ABI2: variants seen among roughly 807,000 people sequenced by gnomAD.
ABI2 encodes abl interactor 2.
A neutral mutation model predicts 59.2 loss-of-function variants in ABI2; 25 were observed. The observed-to-expected ratio is 0.42, with a 90% CI of 0.31 to 0.59. The LOEUF (loss-of-function observed/expected upper bound fraction) is 0.59. ABI2 is among the 20% of genes least tolerant of loss of function. ABI2 has a pLI of 0.14. For missense variants in ABI2, 545 were observed against 681.8 expected (o/e 0.80, Z 2.23); for synonymous variants, 213 against 235.5 (o/e 0.90, Z 0.87).
At position 203,380,222 on chromosome 2, in the gene ABI2, TAAAGAG is replaced by T; in HGVS notation, c.305_310del (p.Glu102_Lys103del). 1.3e-6 allele frequency: 2 copies of T among 1,584,032 alleles called. No individual in the cohort carries two copies. Among genetic ancestry groups the T allele is most frequent in the Non-Finnish European group, 1.7e-6 (2 of 1,168,118 alleles). On this transcript the variant is annotated inframe_deletion, in exon 3 of 12. Transcript: ENST00000261018. ...ATATTTTGCAGACAGTTGATATTCA[TAAAGAG>T]AAAGTTGCAAGAAGAGAAATTGGTA...
rs1310602435 is a variant in ABI2, at chr2:203,384,304, T to TGTTTTG, written c.480+2098_480+2099insGTTTTG. 8.0e-4 allele frequency among the ~76,000 whole-genome samples: 116 copies of TGTTTTG among 144,870 alleles called. 4 individuals carry two copies. The highest frequency in any genetic ancestry group is 2.9e-3 in the African/African-American group (113 of 38,380). On this transcript the variant is annotated intron_variant, in intron 4 of 11. Transcript: ENST00000261018. ...TTTTTGTTTTTGTTTTTTTTTTTTT[T>TGTTTTG]TTTTTTTTTTTTTTTTTTTTGAGAC...
intron 1 of ABI2, among the ~76,000 whole-genome samples, chr2:203,338,252 A>G (rs1194814938): frequency 6.6e-6 from 1 of 152,248 alleles, no homozygotes; most frequent in African/African-American, 2.4e-5. Flanking sequence ...CACACATACA[A>G]ATTAGCTAGA....
At chr2:203,336,978 A>G (rs1353419485) in intron 1 of ABI2, among the ~76,000 whole-genome samples, 2 of 152,126 alleles carry the variant, frequency 1.3e-5, no homozygotes, top group Non-Finnish European at 2.9e-5. Flanking sequence ...AATTTTAGCT[A>G]TTCTCTTGTT....
chr2:203,395,462 C>CAT (rs2096943404), intron 6 of ABI2, among the ~76,000 whole-genome samples, 194 bp from the exon 7 acceptor site: 2 of 149,174 alleles, frequency 1.3e-5, no homozygotes, highest in African/African-American at 2.5e-5. Context: ...CACACACACA[C>CAT]ACACACACAC....
At chr2:203,389,558 TAC>T (rs2096659459) in intron 4 of ABI2, among the ~76,000 whole-genome samples, 1 of 152,242 alleles carries the variant, frequency 6.6e-6, no homozygotes, top group African/African-American at 2.4e-5. Context: ...ATTCTGAAGT[TAC>T]AGTTATAAAT....
At chr2:203,332,565 C>T (rs1047553114) in intron 1 of ABI2, among the ~76,000 whole-genome samples, 1 of 152,122 alleles carries the variant, frequency 6.6e-6, no homozygotes, top group African/African-American at 2.4e-5. Flanking sequence ...GCGGAGGTTG[C>T]AGTGAGCCAA....
intron 1 of ABI2, among the ~76,000 whole-genome samples, chr2:203,348,341 T>C (rs1405879938): frequency 6.6e-6 from 1 of 152,210 alleles, no homozygotes; most frequent in African/African-American, 2.4e-5. Context: ...ACATTAAACA[T>C]GAAGAGTTTT....
chr2:203,371,694 A>C (rs568209147), intron 2 of ABI2, among the ~76,000 whole-genome samples: 78 of 152,250 alleles, frequency 5.1e-4, no homozygotes, highest in Middle Eastern at 6.8e-3. Flanking sequence ...TCCCCTAAAT[A>C]TATACTTATC....
chr2:203,402,436 A>C, intron 8 of ABI2, 140 bp from the exon 9 acceptor site: 1 of 578,122 alleles, frequency 1.7e-6, no homozygotes. Context: ...ACAATAACTC[A>C]CCTTGCATTG....
At chr2:203,406,130 C>T (rs143668027) in intron 9 of ABI2, among the ~76,000 whole-genome samples, 1 of 152,192 alleles carries the variant, frequency 6.6e-6, no homozygotes, top group Non-Finnish European at 1.5e-5. Flanking sequence ...GTCATAGAAA[C>T]ACATAGGGCT....
intron 5 of ABI2, among the ~76,000 whole-genome samples, chr2:203,393,409 G>T (rs2153379629): frequency 6.6e-6 from 1 of 152,340 alleles, no homozygotes; most frequent in Admixed American, 6.5e-5. Context: ...AGATGTTGGA[G>T]AAATTAATGT....
intron 2 of ABI2, chr2:203,376,063 T>C: frequency 1.3e-6 from 2 of 1,534,200 alleles, no homozygotes; most frequent in African/African-American, 1.4e-5. Flanking sequence ...TTAGGCAAAT[T>C]AGAGGCGTTG....
intron 2 of ABI2, among the ~76,000 whole-genome samples, chr2:203,367,627 A>G (rs2094582012): frequency 6.6e-6 from 1 of 152,202 alleles, no homozygotes; most frequent in Non-Finnish European, 1.5e-5. Context: ...AAGTAGAAAA[A>G]TAAACCATTT....
intron 11 of ABI2, among the ~76,000 whole-genome samples, chr2:203,425,482 G>A (rs1178746527): frequency 6.6e-6 from 1 of 152,086 alleles, no homozygotes; most frequent in South Asian, 2.1e-4. Context: ...GATTACAGGC[G>A]TAAGCTACCG....
At chr2:203,364,933 A>G (rs2094188882) in intron 1 of ABI2, among the ~76,000 whole-genome samples, 1 of 151,530 alleles carries the variant, frequency 6.6e-6, no homozygotes, top group African/African-American at 2.4e-5. Context: ...GAGGTCTCAC[A>G]ATGTTGCCCA....
At chr2:203,374,084 A>C (rs1221320442) in intron 2 of ABI2, among the ~76,000 whole-genome samples, 1 of 152,106 alleles carries the variant, frequency 6.6e-6, no homozygotes, top group African/African-American at 2.4e-5. Flanking sequence ...ACTTGAGCCC[A>C]GGTGGTCGAG....
intron 1 of ABI2, among the ~76,000 whole-genome samples, chr2:203,330,032 TAAC>T (rs1034012694): frequency 2.6e-5 from 4 of 152,258 alleles, no homozygotes; most frequent in African/African-American, 9.6e-5. Context: ...GCACCTTTCT[TAAC>T]ATTAGCTATA....
chr2:203,430,381 G>C lies in ABI2; in HGVS notation c.*3029G>C, dbSNP rs1250228926. ...ATGGGAGAGGGGATTCTTCCCTCCT[G>C]AAGTTTGTGTGTCCAGTCCCCTTAA... On this transcript the variant is annotated 3_prime_UTR_variant, in exon 12 of 12. Coordinates refer to ENST00000261018, the MANE Select transcript of ABI2 (RefSeq NM_001375670.1). 1 of 152,116 alleles carries C rather than the reference G, an allele frequency of 6.6e-6. No individual in the cohort carries two copies. The highest frequency in any genetic ancestry group is 1.5e-5 in the Non-Finnish European group (1 of 68,028). 9.4% of individuals were successfully genotyped at this position (152,116 alleles called of 1,614,324 possible). A position where few individuals can be genotyped will look rare whatever the true frequency, so the allele number is the denominator to read the frequency against.
Position 203,417,010 on chromosome 2 carries a change from C to G in ABI2, c.1382C>G (p.Ala461Gly), listed in dbSNP as rs1204196045. Residue 461 changes from alanine to glycine, a missense_variant, in exon 11 of 12, where the codon GCT (alanine) becomes GGT (glycine). Transcript: ENST00000261018. ...PPEDYEEEEA[A>G]VVEYSDPYAE... is the part of the protein sequence containing the mutation. ...GAAGATTACGAAGAGGAGGAAGCTG[C>G]TGTGGTTGAGTATAGTGATCCTTAT... is the stretch of plus-strand genomic sequence containing the variant. 6.2e-7 allele frequency: 1 copy of G among 1,614,142 alleles called. No homozygotes were observed. The highest frequency in any genetic ancestry group is 8.5e-7 in the Non-Finnish European group (1 of 1,180,020).
Sources: gnomAD v4.1 joint callset for allele counts (sites outside exome capture counted in the v4.1 genomes callset) on GRCh38, gnomAD v4.1.1 for gene constraint, MANE v1.5 for transcripts, NCBI Gene and HGNC (gene_info 2026-07-23, HGNC 2026-07-21) for gene names.